ULBP3: variants seen among roughly 807,000 people sequenced by gnomAD.
ULBP3 encodes UL16-binding protein 3.
ULBP3 carries 25 observed loss-of-function variants against 24.9 expected under a neutral mutation model. The observed-to-expected ratio is 1.00, with a 90% CI of 0.73 to 1.40. The LOEUF is 1.40. Among genes scored for constraint, ULBP3 ranks in the 40% most tolerant of loss-of-function variants. The pLI, the probability that ULBP3 is intolerant of heterozygous loss-of-function variation, is 0.00. For synonymous variants in ULBP3, 114 were observed against 114.7 expected, an observed-to-expected ratio of 0.99 and a Z score of 0.04; for missense variants, 306 against 307.5, an observed-to-expected ratio of 1.00 and a Z score of 0.04.
At chr6:150,064,803 G>C (rs1435650045) in intron 3 of ULBP3, 90 bp from the exon 4 acceptor site, 1 of 1,371,750 alleles carries the variant, frequency 7.3e-7, no homozygotes, top group African/African-American at 1.4e-5. Context: ...AGGTCATCCG[G>C]GAAGGCAGAG....
At chr6:150,064,826 CTGCTGTGGG>C in intron 3 of ULBP3, 113 bp from the exon 4 acceptor site, 2 of 1,159,956 alleles carry the variant, frequency 1.7e-6, no homozygotes, top group Non-Finnish European at 2.5e-6. Flanking sequence ...TTTGTCTCCC[CTGCTGTGGG>C]GCAGCCGCTG....
rs1776274491 is a variant in ULBP3 at position 150,061,616 on chromosome 6, T to C, written c.*1758A>G. Among the ~76,000 whole-genome samples the C allele has an allele frequency of 1.3e-5, 2 of 152,260 alleles. No individual in the cohort carries two copies. The highest frequency in any genetic ancestry group is 2.1e-4 in the South Asian group (1 of 4,838). On this transcript the variant is annotated 3_prime_UTR_variant, in exon 5 of 5. Transcript: ENST00000367339. Reference sequence around the variant, plus strand: ...TGTTTGGTGGCTGCATAGATTTCCATGGTGTTTATGTACCACATTTTTTTC... The same window carrying C: ...TGTTTGGTGGCTGCATAGATTTCCACGGTGTTTATGTACCACATTTTTTTC...
chr6:150,064,833 G>A, intron 3 of ULBP3, 120 bp from the exon 4 acceptor site: 2 of 1,073,996 alleles, frequency 1.9e-6, no homozygotes, highest in Admixed American at 2.3e-5. Flanking sequence ...CCCCTGCTGT[G>A]GGGCAGCCGC....
intron 4 of ULBP3, among the ~76,000 whole-genome samples, chr6:150,063,867 T>C (rs957144095): frequency 6.6e-6 from 1 of 152,062 alleles, no homozygotes; most frequent in Non-Finnish European, 1.5e-5. Context: ...TCAGCTGCCC[T>C]AGCTGAGTCC....
chr6:150,066,610 C>T (rs12202737), intron 1 of ULBP3, among the ~76,000 whole-genome samples: 32,758 of 152,084 alleles, frequency 0.22, 4,022 homozygotes, highest in Non-Finnish European at 0.27. Context: ...TAGTAGGTTG[C>T]CCTTGGAACC....
At position 150,064,122 on chromosome 6, in the gene ULBP3, C is replaced by T. The variant is rs183132590; in HGVS notation, c.*22+463G>A. Among the ~76,000 whole-genome samples, 9 of 152,308 alleles carry T rather than the reference C, an allele frequency of 5.9e-5. No homozygotes were observed. The East Asian group carries it at 1.7e-3, about 29-fold the overall frequency. On this transcript the variant is annotated intron_variant, in intron 4 of 4. Coordinates refer to ENST00000367339, the MANE Select transcript of ULBP3 (RefSeq NM_024518.3). ...TGGGCCAAGGCCCTCACAGCCCCCT[C>T]GTCCTGGGATTCCCCCAGGTTTCTC...
At chr6:150,063,926 AC>A (rs921895700) in intron 4 of ULBP3, among the ~76,000 whole-genome samples, 9 of 152,158 alleles carry the variant, frequency 5.9e-5, no homozygotes, top group Non-Finnish European at 1.3e-4. Context: ...TGGAGTGTGC[AC>A]GAGGCAGAAT....
intron 1 of ULBP3, 98 bp downstream of exon 1, chr6:150,068,881 C>T: frequency 3.1e-6 from 4 of 1,276,434 alleles, no homozygotes; most frequent in Non-Finnish European, 4.2e-6. Flanking sequence ...GAGATCGCGC[C>T]GGTCCTTCTA....
intron 1 of ULBP3, among the ~76,000 whole-genome samples, chr6:150,067,158 T>C (rs1175683445): frequency 1.3e-5 from 2 of 152,066 alleles, no homozygotes; most frequent in African/African-American, 4.8e-5. Context: ...AATGCAAGGA[T>C]GGATGACCAG....
chr6:150,068,753 G>A (rs1470801281), intron 1 of ULBP3, among the ~76,000 whole-genome samples: 1 of 152,162 alleles, frequency 6.6e-6, no homozygotes, highest in African/African-American at 2.4e-5. Context: ...ACCCTCCTGC[G>A]GTTCTTTTTT....
At chr6:150,064,857 G>A (rs1776322587) in intron 3 of ULBP3, 144 bp from the exon 4 acceptor site, 6 of 825,336 alleles carry the variant, frequency 7.3e-6, no homozygotes, top group South Asian at 1.7e-5. Flanking sequence ...GACAGGTCCT[G>A]GGGGTAGGAA....
rs1776318165 is a variant in ULBP3, at chr6:150,064,564, TCA to T, written c.*22+19_*22+20del. ...CTCACCCATCTGTCTCTCGTTCCCC[TCA>T]CAGTTTTGCCCACAGTACCTGTCAC... On this transcript the variant is annotated intron_variant, in intron 4 of 4. Coordinates refer to ENST00000367339, the MANE Select transcript of ULBP3 (RefSeq NM_024518.3). 27 of 1,603,638 alleles carry T rather than the reference TCA, an allele frequency of 1.7e-5. No individual in the cohort carries two copies. The highest frequency in any genetic ancestry group is 2.3e-5 in the Non-Finnish European group (27 of 1,170,942).
intron 1 of ULBP3, 117 bp from the exon 2 acceptor site, chr6:150,066,279 C>CT: frequency 8.2e-7 from 1 of 1,215,100 alleles, no homozygotes; most frequent in Non-Finnish European, 1.1e-6. Flanking sequence ...ATTTCTCTTC[C>CT]TGGACGGTGG....
In ULBP3 at chr6:150,066,062, G is replaced by A; in HGVS notation, c.189C>T (p.Leu63=). ...VQSQVDQKNF[L]SYDCGSDKVL... is the part of the protein sequence containing the mutation. The stretch of plus-strand genomic sequence containing the variant: ...CCTTGTCACTGCCACAGTCATAGGA[G>A]AGAAAATTCTTCTGATCCACCTGGC... The change falls in exon 2 of 5, where the codon CTC becomes CTT. Residue 63 remains leucine, a synonymous_variant. Transcript: ENST00000367339. 3.7e-6 allele frequency: 6 copies of A among 1,614,214 alleles called. No individual in the cohort carries two copies. Among genetic ancestry groups the A allele is most frequent in the Non-Finnish European group, 5.1e-6 (6 of 1,180,054 alleles).
intron 1 of ULBP3, 82 bp from the exon 2 acceptor site, chr6:150,066,244 G>GA: frequency 6.8e-7 from 1 of 1,469,900 alleles, no homozygotes. Context: ...AGGGTTTCCT[G>GA]AAGGGCTGGG....
At position 150,062,315 on chromosome 6, in the gene ULBP3, T is replaced by C. The variant is rs1237466846; in HGVS notation, c.*1059A>G. On this transcript the variant is annotated 3_prime_UTR_variant, in exon 5 of 5. Transcript: ENST00000367339. ...ATCTTTGCCAGGCCCTATGTCCACATTGGTATTTCTTAGCTTATATTCCAG... is the reference window on the plus strand; with the variant it reads ...ATCTTTGCCAGGCCCTATGTCCACACTGGTATTTCTTAGCTTATATTCCAG... 6.6e-6 allele frequency among the ~76,000 whole-genome samples: 1 copy of C among 152,228 alleles called. No homozygotes were observed. The highest frequency in any genetic ancestry group is 1.5e-5 in the Non-Finnish European group (1 of 68,030).
Position 150,065,501 on chromosome 6 carries a change from C to G in ULBP3, c.525G>C (p.Lys175Asn). Reference sequence around the variant, plus strand: ...TGAAGAAGGTGGTCAGTCCGCTATCCTTCTCCCACTTCTCTTTCATCCGCC... The same window carrying G: ...TGAAGAAGGTGGTCAGTCCGCTATCGTTCTCCCACTTCTCTTTCATCCGCC... ...GARRMKEKWEKDSGLTTFFKM... is the reference protein window; with the variant it reads ...GARRMKEKWENDSGLTTFFKM... The change falls in exon 3 of 5, where the codon AAG becomes AAC. Residue 175 changes from lysine (K) to asparagine (N), a missense_variant. Coordinates refer to ENST00000367339, the MANE Select transcript of ULBP3 (RefSeq NM_024518.3). The G allele has an allele frequency of 2.5e-6, 4 of 1,614,182 alleles. No individual in the cohort carries two copies. The highest frequency in any genetic ancestry group is 3.4e-6 in the Non-Finnish European group (4 of 1,180,026).
chr6:150,065,683 T>C lies in ULBP3; in HGVS notation c.353-10A>G, dbSNP rs949303010. On this transcript the variant is annotated splice_polypyrimidine_tract_variant and intron_variant, in intron 2 of 4. Transcript: ENST00000367339. The stretch of plus-strand genomic sequence containing the variant: ...TGCAGCGTGAGGGGTCCTGCCCCAA[T>C]CAGAAAGAGATCAGCCCTGGTGTTT... 5.6e-6 allele frequency: 9 copies of C among 1,613,756 alleles called. 1 individual carries two copies. In the Admixed American group the frequency reaches 1.2e-4, roughly 21 times the overall value.
intron 3 of ULBP3, 48 bp from the exon 4 acceptor site, chr6:150,064,761 TGAG>T: frequency 6.3e-7 from 1 of 1,594,012 alleles, no homozygotes. Context: ...GCTCCAAATC[TGAG>T]GAGATGGCTC....
Sources: gnomAD v4.1 joint callset for allele counts (sites outside exome capture counted in the v4.1 genomes callset) on GRCh38, gnomAD v4.1.1 for gene constraint, MANE v1.5 for transcripts, NCBI Gene and HGNC (gene_info 2026-07-23, HGNC 2026-07-21) for gene names.